The following ULK1 variants were observed in gnomAD, a reference collection of about 807,000 sequenced individuals.
The protein encoded by ULK1 is serine/threonine-protein kinase ULK1.
A neutral mutation model predicts 117.5 loss-of-function variants in ULK1; 48 were observed. The observed-to-expected ratio is 0.41, with a 90% CI of 0.32 to 0.52. The LOEUF (loss-of-function observed/expected upper bound fraction) is 0.52, where lower values mean the gene tolerates loss of function less well. ULK1 is among the 20% of genes least tolerant of loss of function. ULK1 has a pLI of 0.29. For synonymous variants in ULK1, 790 were observed against 637.8 expected, an observed-to-expected ratio of 1.24 and a Z score of -3.60; for missense variants, 1,387 against 1,473.4, an observed-to-expected ratio of 0.94 and a Z score of 0.96.
At chr12:131,911,447 C>T (rs1001437540) in intron 12 of ULK1, among the ~76,000 whole-genome samples, 2 of 152,214 alleles carry the variant, frequency 1.3e-5, no homozygotes, top group Non-Finnish European at 2.9e-5. Context: ...CTGTGGCATC[C>T]GCAGACCTGC....
In ULK1 at chr12:131,909,992, A is replaced by G. The variant is rs1889461138; in HGVS notation, c.799A>G (p.Met267Val). ...ALLQRNHKDR[M>V]DFDEFFHHPF... ...ACTGCAACGCAACCACAAGGACCGC[A>G]TGGACTTCGGTGAGCACCCACCAGG... The change falls in exon 10 of 28, where the codon ATG becomes GTG. Residue 267 changes from methionine (M) to valine (V), a missense_variant. Physicochemically the swap from Met to Val is conservative, Grantham distance 21 (BLOSUM62 1). Around this residue, in one of 4 missense-constraint regions of ULK1, gnomAD observed 260 missense variants for 271.6 expected, o/e 0.96. Coordinates refer to ENST00000321867, the MANE Select transcript of ULK1 (RefSeq NM_003565.4). 6.2e-7 allele frequency: 1 copy of G among 1,611,898 alleles called. No individual in the cohort carries two copies. Among genetic ancestry groups the G allele is most frequent in the African/African-American group, 1.3e-5 (1 of 75,056 alleles).
chr12:131,916,870 G>T, intron 20 of ULK1, 83 bp from the exon 21 acceptor site: 1 of 1,279,184 alleles, frequency 7.8e-7, no homozygotes, highest in Non-Finnish European at 1.1e-6. Context: ...CATCATGTGT[G>T]TCTGGCCTGC....
In ULK1 at chr12:131,908,804, C is replaced by T. The variant is rs749996554; in HGVS notation, c.477C>T (p.Ile159=). The change falls in exon 6 of 28, where the codon ATC becomes ATT. Residue 159 remains isoleucine (I), a synonymous_variant. Coordinates refer to ENST00000321867, the MANE Select transcript of ULK1 (RefSeq NM_003565.4). ...PAGRRANPNS[I]RVKIADFGFA... ...GCCGCCGCGCCAACCCCAACAGCAT[C>T]CGCGTCAAGATCGGTCAGCCCGCGG... 3.1e-6 allele frequency: 5 copies of T among 1,606,902 alleles called. No individual in the cohort carries two copies. Among genetic ancestry groups the T allele is most frequent in the South Asian group, 1.1e-5 (1 of 90,736 alleles).
chr12:131,907,420 G>A, intron 4 of ULK1, 75 bp from the exon 5 acceptor site: 2 of 1,573,702 alleles, frequency 1.3e-6, no homozygotes, highest in East Asian at 2.3e-5. Flanking sequence ...AGTGTGAGGG[G>A]TGGGGAGGCT....
Position 131,920,377 on chromosome 12 carries a change from G to C in ULK1, c.2961+241G>C, listed in dbSNP as rs529981123. 1.2e-4 allele frequency: 61 copies of C among 508,304 alleles called. No homozygotes were observed. In the South Asian group the frequency reaches 1.5e-3, roughly 12 times the overall value. The allele number at this position is 508,304 out of a possible 1,614,324, so 31.5% of individuals were successfully genotyped here. A position where few individuals can be genotyped will look rare whatever the true frequency, so the allele number is the denominator to read the frequency against. ...GTGCATCCTGCCTCGCCCCGACTCAGTTTCCCCAATTGTAAAATGAGAGAC... is the reference window on the plus strand; with the variant it reads ...GTGCATCCTGCCTCGCCCCGACTCACTTTCCCCAATTGTAAAATGAGAGAC... On this transcript the variant is annotated intron_variant, in intron 26 of 27. Transcript: ENST00000321867.
chr12:131,899,643 A>G (rs1402081210), intron 3 of ULK1, among the ~76,000 whole-genome samples: 2 of 152,110 alleles, frequency 1.3e-5, no homozygotes, highest in Non-Finnish European at 2.9e-5. Context: ...GATACGCACC[A>G]CCATACTTGG....
chr12:131,919,776 A>G (rs1265839787), intron 25 of ULK1, 186 bp downstream of exon 25: 2 of 1,021,942 alleles, frequency 2.0e-6, no homozygotes, highest in South Asian at 3.2e-5. Context: ...CCTGGAGCCC[A>G]GTATGCAGAG....
At chr12:131,900,331 T>C (rs1425063871) in intron 3 of ULK1, among the ~76,000 whole-genome samples, 4 of 152,194 alleles carry the variant, frequency 2.6e-5, no homozygotes, top group Non-Finnish European at 5.9e-5. Context: ...TTTTTGTTCT[T>C]ATTGTGTTGG....
chr12:131,915,328 C>T lies in ULK1; in HGVS notation c.1523-7C>T, dbSNP rs745950513. 1 of 1,612,612 alleles carries T rather than the reference C, an allele frequency of 6.2e-7. No individual in the cohort carries two copies. The highest frequency in any genetic ancestry group is 2.2e-5 in the East Asian group (1 of 44,886). On this transcript the variant is annotated splice_region_variant and splice_polypyrimidine_tract_variant and intron_variant, in intron 17 of 27. Transcript: ENST00000321867. ...CTGGACCCTGACAGATCTCTCTTTTCCCCAAGTTGGAACCATCCCTGAGCG... is the reference window on the plus strand; with the variant it reads ...CTGGACCCTGACAGATCTCTCTTTTTCCCAAGTTGGAACCATCCCTGAGCG...
rs1250837730 is a variant in ULK1 at position 131,918,629 on chromosome 12, A to G, written c.2459A>G (p.Glu820Gly). ...GCCGACCCCATTACTGCGAACCTGG[A>G]GGGGGCTGTGACCTTCGAGGCCCCC... is the stretch of plus-strand genomic sequence containing the variant. Reference protein sequence around the residue: ...SFADPITANLEGAVTFEAPDL... With the variant: ...SFADPITANLGGAVTFEAPDL... Residue 820 changes from glutamate to glycine, a missense_variant, in exon 23 of 28, where the codon GAG becomes GGG. Coordinates refer to ENST00000321867, the MANE Select transcript of ULK1 (RefSeq NM_003565.4). The G allele has an allele frequency of 6.2e-6, 10 of 1,609,602 alleles. No homozygotes were observed. Among genetic ancestry groups the G allele is most frequent in the Non-Finnish European group, 8.5e-6 (10 of 1,178,616 alleles).
At chr12:131,918,711 T>G in intron 23 of ULK1, 30 bp downstream of exon 23, 2 of 1,382,824 alleles carry the variant, frequency 1.4e-6, no homozygotes, top group East Asian at 3.6e-5. Flanking sequence ...AAGGTTCCCA[T>G]TCTGGCTGGA....
chr12:131,916,668 C>A, intron 20 of ULK1, 77 bp downstream of exon 20: 1 of 1,412,484 alleles, frequency 7.1e-7, no homozygotes, highest in South Asian at 1.5e-5. Context: ...CTGGGTACTT[C>A]TGGGGGGTAG....
chr12:131,917,854 C>G (rs1236675768), intron 22 of ULK1, among the ~76,000 whole-genome samples: 1 of 152,246 alleles, frequency 6.6e-6, no homozygotes, highest in Non-Finnish European at 1.5e-5. Flanking sequence ...TCATGGCCTC[C>G]TTGCCCAGCT....
In ULK1 at chr12:131,902,642, CCT is replaced by C. The variant is rs1401765164; in HGVS notation, c.247-4249_247-4248del. The stretch of plus-strand genomic sequence containing the variant: ...CCTGTGGAATGGTCAGCAGCCGTTC[CCT>C]GTTTCCTCCCTTTAAATAGGCGGCA... On this transcript the variant is annotated intron_variant, in intron 3 of 27. Coordinates refer to ENST00000321867, the MANE Select transcript of ULK1 (RefSeq NM_003565.4). This position sits in a 1 kb window ranked among gnomAD's most constrained non-coding sequence, Gnocchi z 6.3. 6.6e-5 allele frequency among the ~76,000 whole-genome samples: 10 copies of C among 152,196 alleles called. No homozygotes were observed. Among genetic ancestry groups the C allele is most frequent in the Non-Finnish European group, 1.2e-4 (8 of 67,988 alleles).
At chr12:131,913,502 T>C (rs1445536342) in intron 14 of ULK1, among the ~76,000 whole-genome samples, 1 of 152,016 alleles carries the variant, frequency 6.6e-6, no homozygotes, top group African/African-American at 2.4e-5. Context: ...GAGACCATCC[T>C]GGCCAACATG....
At position 131,921,081 on chromosome 12, in the gene ULK1, C is replaced by A; in HGVS notation, c.2962-19C>A. On this transcript the variant is annotated intron_variant, in intron 26 of 27. Coordinates refer to ENST00000321867, the MANE Select transcript of ULK1 (RefSeq NM_003565.4). The stretch of plus-strand genomic sequence containing the variant: ...AGTGGGGTGAGCTGGCCCTGTCCAG[C>A]CTCTGTCCTCGCCCCCAGGTGCAGT... 6.4e-7 allele frequency: 1 copy of A among 1,574,300 alleles called. No individual in the cohort carries two copies. The highest frequency in any genetic ancestry group is 8.6e-7 in the Non-Finnish European group (1 of 1,163,924).
In ULK1 at chr12:131,904,650, C is replaced by G. The variant is rs548100840; in HGVS notation, c.247-2242C>G. ...TCCCCCAGGATACCTCTGACTTTGA[C>G]ACATCCCTGCTTGTCCTGGCTTTGC... On this transcript the variant is annotated intron_variant, in intron 3 of 27. Transcript: ENST00000321867. Among the ~76,000 whole-genome samples the G allele has an allele frequency of 2.3e-4, 35 of 152,296 alleles. 1 individual carries two copies. In the South Asian group the frequency reaches 7.2e-3, roughly 32 times the overall value.
Position 131,922,075 on chromosome 12 carries a change from G to A in ULK1, c.*714G>A, listed in dbSNP as rs1429698823. On this transcript the variant is annotated 3_prime_UTR_variant, in exon 28 of 28. Transcript: ENST00000321867. ...TTCTTTGTTCAAGCGTTCCTCTGGG[G>A]ACCGGCAGCAGAGGCACCGTGTTCT... 2 of 451,966 alleles carry A rather than the reference G, an allele frequency of 4.4e-6. No individual in the cohort carries two copies. Among genetic ancestry groups the A allele is most frequent in the South Asian group, 1.6e-5 (1 of 64,400 alleles). The allele number at this position is 451,966 out of a possible 1,614,324, so 28.0% of individuals were successfully genotyped here.
intron 3 of ULK1, among the ~76,000 whole-genome samples, chr12:131,899,792 A>G (rs1566113567): frequency 2.6e-5 from 4 of 152,324 alleles, no homozygotes; most frequent in African/African-American, 7.2e-5. Flanking sequence ...GACATTGGGC[A>G]GGTAGCCTCC....
Sources: gnomAD v4.1 joint callset for allele counts (sites outside exome capture counted in the v4.1 genomes callset) on GRCh38, gnomAD v4.1.1 for gene constraint, gnomAD v4.1.1 regional missense constraint, Gnocchi (gnomAD v3.1) non-coding constraint, MANE v1.5 for transcripts, NCBI Gene and HGNC (gene_info 2026-07-23, HGNC 2026-07-21) for gene names.